ERVFRD-1: variants seen among roughly 807,000 people sequenced by gnomAD.
ERVFRD-1 encodes the protein syncytin-2.
Under a neutral mutation model 43.8 loss-of-function variants are expected in ERVFRD-1, and 33 were observed. The observed-to-expected ratio is 0.75, with a 90% CI of 0.57 to 1.01. The LOEUF (loss-of-function observed/expected upper bound fraction) is 1.01. Among genes scored for constraint, ERVFRD-1 ranks in the 50% least tolerant of loss-of-function variants. The pLI is 0.00. For synonymous variants in ERVFRD-1, 239 were observed against 244.4 expected, an observed-to-expected ratio of 0.98 and a Z score of 0.21; for missense variants, 568 against 658.4, an observed-to-expected ratio of 0.86 and a Z score of 1.50.
chr6:11,111,489 C>T (rs1758166024), intron 1 of ERVFRD-1, among the ~76,000 whole-genome samples, 188 bp downstream of exon 1: 1 of 152,182 alleles, frequency 6.6e-6, no homozygotes, highest in Admixed American at 6.6e-5. Flanking sequence ...CTCCAAGGTC[C>T]TTCCCACCCC....
At position 11,103,575 on chromosome 6, in the gene ERVFRD-1, G is replaced by T; in HGVS notation, c.*119C>A. 1 of 1,407,082 alleles carries T rather than the reference G, an allele frequency of 7.1e-7. No homozygotes were observed. The highest frequency in any genetic ancestry group is 9.3e-7 in the Non-Finnish European group (1 of 1,072,786). 87.2% of individuals were successfully genotyped at this position (1,407,082 alleles called of 1,614,324 possible). Reference sequence around the variant, plus strand: ...TTCTGTGGGTCTTGGCCTCTTGCTAGCTGTCAGGGCAGGATGGCTCTGTGG... The same window carrying T: ...TTCTGTGGGTCTTGGCCTCTTGCTATCTGTCAGGGCAGGATGGCTCTGTGG... On this transcript the variant is annotated 3_prime_UTR_variant, in exon 2 of 2. Transcript: ENST00000472091.
intron 1 of ERVFRD-1, among the ~76,000 whole-genome samples, chr6:11,108,334 C>T (rs1561754115): frequency 6.6e-6 from 1 of 152,198 alleles, no homozygotes; most frequent in South Asian, 2.1e-4. Context: ...GCCCTTGGCT[C>T]TGTCCCTTCA....
chr6:11,106,575 C>A (rs1554118655), intron 1 of ERVFRD-1, among the ~76,000 whole-genome samples: 1 of 152,176 alleles, frequency 6.6e-6, no homozygotes, highest in Non-Finnish European at 1.5e-5. Flanking sequence ...GTTCTCCCAA[C>A]CTATATCATC....
Position 11,105,354 on chromosome 6 carries a change from ACTC to A in ERVFRD-1, c.-47_-45del. ...GGTCACAAAACGAGCTGCCAATGGA[ACTC>A]CTGGTGGTGTACAAGTTAGGGTTAA... On this transcript the variant is annotated 5_prime_UTR_variant, in exon 2 of 2. Transcript: ENST00000472091. 6.9e-7 allele frequency: 1 copy of A among 1,459,004 alleles called. No individual in the cohort carries two copies. The allele number at this position is 1,459,004 out of a possible 1,614,324, so 90.4% of individuals were successfully genotyped here. A position where few individuals can be genotyped will look rare whatever the true frequency, so the allele number is the denominator to read the frequency against.
Position 11,104,936 on chromosome 6 carries a change from A to G in ERVFRD-1, c.375T>C (p.Ile125=), listed in dbSNP as rs138512061. 1.1e-5 allele frequency: 17 copies of G among 1,614,140 alleles called. No individual in the cohort carries two copies. Among genetic ancestry groups the G allele is most frequent in the Admixed American group, 3.3e-5 (2 of 60,012 alleles). The part of the protein sequence containing the change: ...TNINLMGIAP[I]CVMAKRKNGT... Reference sequence around the variant, plus strand: ...CATTTTTCCTTTTGGCCATAACACAAATAGGGGCTATTCCCATTAGGTTGA... The same window carrying G: ...CATTTTTCCTTTTGGCCATAACACAGATAGGGGCTATTCCCATTAGGTTGA... Residue 125 remains isoleucine (I), a synonymous_variant, in exon 2 of 2, where the codon ATT becomes ATC. Coordinates refer to ENST00000472091, the MANE Select transcript of ERVFRD-1 (RefSeq NM_207582.3).
At chr6:11,108,817 G>A (rs1268603697) in intron 1 of ERVFRD-1, among the ~76,000 whole-genome samples, 1 of 152,198 alleles carries the variant, frequency 6.6e-6, no homozygotes, top group Non-Finnish European at 1.5e-5. Flanking sequence ...TTAGGGAAAT[G>A]ATCCTTTATG....
rs369585109 is a variant in ERVFRD-1 at position 11,104,608 on chromosome 6, T to G, written c.703A>C (p.Asn235His). 128 of 1,614,120 alleles carry G rather than the reference T, an allele frequency of 7.9e-5. 1 individual carries two copies. In the East Asian group the frequency reaches 1.3e-3, roughly 17 times the overall value. ...GTTTTATTTTCCCAAAAAAGAGAAT[T>G]TCGAGTTTGGTCCAATAGAACCCAT... The part of the protein sequence containing the change: ...AEWVLLDQTR[N>H]SLFWENKTKG... Residue 235 changes from asparagine (N) to histidine (H), a missense_variant, in exon 2 of 2, where the codon AAT (asparagine) becomes CAT (histidine). Physicochemically the swap from Asn to His is moderately conservative, Grantham distance 68 (BLOSUM62 1). Transcript: ENST00000472091.
chr6:11,109,412 G>A (rs915293480), intron 1 of ERVFRD-1, among the ~76,000 whole-genome samples: 1 of 152,164 alleles, frequency 6.6e-6, no homozygotes, highest in Non-Finnish European at 1.5e-5. Flanking sequence ...CCTGGGTAGG[G>A]AGGAGAAGGC....
chr6:11,103,914 G>T lies in ERVFRD-1; in HGVS notation c.1397C>A (p.Ala466Asp). The T allele has an allele frequency of 1.3e-6, 2 of 1,551,650 alleles. No individual in the cohort carries two copies. Among genetic ancestry groups the T allele is most frequent in the Non-Finnish European group, 1.7e-6 (2 of 1,146,990 alleles). Residue 466 changes from alanine to aspartate, a missense_variant, in exon 2 of 2, where the codon GCC (alanine) becomes GAC (aspartate). Coordinates refer to ENST00000472091, the MANE Select transcript of ERVFRD-1 (RefSeq NM_207582.3). ...LNQASSLRER[A>D]TQGWLNWEGT... ...TTCCCAATTTAACCAACCCTGAGTG[G>T]CTCGTTCCCGTAAACTGGAGGCTTG...
At chr6:11,107,550 C>T (rs1758105017) in intron 1 of ERVFRD-1, among the ~76,000 whole-genome samples, 1 of 152,156 alleles carries the variant, frequency 6.6e-6, no homozygotes, top group Non-Finnish European at 1.5e-5. Flanking sequence ...GCTGTTGACT[C>T]CTTCCTTTTC....
Position 11,104,541 on chromosome 6 carries a change from A to G in ERVFRD-1, c.770T>C (p.Leu257Ser), listed in dbSNP as rs760745944. The G allele has an allele frequency of 2.5e-5, 39 of 1,586,220 alleles. No homozygotes were observed. Among genetic ancestry groups the G allele is most frequent in the Non-Finnish European group, 3.2e-5 (37 of 1,165,392 alleles). ...GCTGGTGGCTATAGTCATGCCTGCT[A>G]AGACTTGGACGCAGGGTGTTTGGCT... ...NQSQTPCVQV[L>S]AGMTIATSYL... is the part of the protein sequence containing the mutation. The change falls in exon 2 of 2, where the codon TTA becomes TCA. Residue 257 changes from leucine (L) to serine (S), a missense_variant. Physicochemically the swap from Leu to Ser is moderately radical, Grantham distance 145 (BLOSUM62 -2). Coordinates refer to ENST00000472091, the MANE Select transcript of ERVFRD-1 (RefSeq NM_207582.3).
At chr6:11,109,924 A>T (rs1758143075) in intron 1 of ERVFRD-1, among the ~76,000 whole-genome samples, 1 of 152,090 alleles carries the variant, frequency 6.6e-6, no homozygotes, top group South Asian at 2.1e-4. Context: ...CTTACAGCAG[A>T]CCAGAGTGGG....
In ERVFRD-1 at chr6:11,104,515, A is replaced by G; in HGVS notation, c.796T>C (p.Tyr266His). 1 of 1,564,654 alleles carries G rather than the reference A, an allele frequency of 6.4e-7. No individual in the cohort carries two copies. Among genetic ancestry groups the G allele is most frequent in the Non-Finnish European group, 8.7e-7 (1 of 1,153,904 alleles). The part of the protein sequence containing the change: ...VLAGMTIATS[Y>H]LGISAVSEFF... ...TCTGAGACTGCTGATATGCCCAGGT[A>G]GCTGGTGGCTATAGTCATGCCTGCT... The change falls in exon 2 of 2, where the codon TAC (tyrosine) becomes CAC (histidine). Residue 266 changes from tyrosine (Y) to histidine (H), a missense_variant. Physicochemically the swap from Tyr to His is moderately conservative, Grantham distance 83. Coordinates refer to ENST00000472091, the MANE Select transcript of ERVFRD-1 (RefSeq NM_207582.3).
Position 11,105,044 on chromosome 6 carries a change from T to G in ERVFRD-1, c.267A>C (p.Ala89=). The G allele has an allele frequency of 6.2e-7, 1 of 1,614,228 alleles. No homozygotes were observed. The highest frequency in any genetic ancestry group is 8.5e-7 in the Non-Finnish European group (1 of 1,180,030). The change falls in exon 2 of 2, where the codon GCA becomes GCC. Residue 89 remains alanine (A), a synonymous_variant. Transcript: ENST00000472091. ...DPNLKGLMRP[A]NSLLSTVKQD... Reference sequence around the variant, plus strand: ...GCTTTACTGTTGAAAGAAGACTATTTGCAGGCCTCATCAGTCCTTTCAGAT... The same window carrying G: ...GCTTTACTGTTGAAAGAAGACTATTGGCAGGCCTCATCAGTCCTTTCAGAT...
At chr6:11,111,527 G>C (rs1023691078) in intron 1 of ERVFRD-1, 150 bp downstream of exon 1, 3 of 152,804 alleles carry the variant, frequency 2.0e-5, no homozygotes, top group African/African-American at 4.8e-5. Flanking sequence ...GGTGAGCAGA[G>C]AGAGCAGCCA....
rs760127879 is a variant in ERVFRD-1 at position 11,104,036 on chromosome 6, T to G, written c.1275A>C (p.Ala425=). The G allele has an allele frequency of 6.4e-7, 1 of 1,551,768 alleles. No individual in the cohort carries two copies. The highest frequency in any genetic ancestry group is 1.2e-5 in the South Asian group (1 of 84,068). ...QNRRGLDMLT[A]AQGGICLALD... is the part of the protein sequence containing the mutation. ...AGGCCAAACAAATTCCTCCCTGTGC[T>G]GCCGTTAACATGTCTAGTCCTCGAC... The change falls in exon 2 of 2, where the codon GCA becomes GCC. Residue 425 remains alanine (A), a synonymous_variant. Transcript: ENST00000472091.
Position 11,109,528 on chromosome 6 carries a change from A to T in ERVFRD-1, c.-321+2149T>A, listed in dbSNP as rs141581791. On this transcript the variant is annotated intron_variant, in intron 1 of 1. Transcript: ENST00000472091. ...ACCAATGGGAAGGGGCTGCATGACT[A>T]TGGCCATGGATCTGTTTTACAAGCC... 4.6e-5 allele frequency among the ~76,000 whole-genome samples: 7 copies of T among 152,226 alleles called. No individual in the cohort carries two copies. In the East Asian group the frequency reaches 1.4e-3, roughly 29 times the overall value.
At position 11,104,510 on chromosome 6, in the gene ERVFRD-1, C is replaced by T; in HGVS notation, c.801G>A (p.Leu267=). 1.9e-6 allele frequency: 3 copies of T among 1,561,790 alleles called. No homozygotes were observed. Among genetic ancestry groups the T allele is most frequent in the African/African-American group, 1.4e-5 (1 of 73,552 alleles). The change falls in exon 2 of 2, where the codon CTG becomes CTA. Residue 267 remains leucine, a synonymous_variant. Coordinates refer to ENST00000472091, the MANE Select transcript of ERVFRD-1 (RefSeq NM_207582.3). ...AAAATTCTGAGACTGCTGATATGCC[C>T]AGGTAGCTGGTGGCTATAGTCATGC... ...LAGMTIATSY[L]GISAVSEFFG...
At chr6:11,110,558 G>A (rs2113650208) in intron 1 of ERVFRD-1, among the ~76,000 whole-genome samples, 1 of 152,290 alleles carries the variant, frequency 6.6e-6, no homozygotes, top group South Asian at 2.1e-4. Context: ...ATTGAGAAGG[G>A]CCTGGAGGTG....
Sources: allele counts gnomAD v4.1 joint callset (sites outside exome capture counted in the v4.1 genomes callset), GRCh38; gene constraint gnomAD v4.1.1; transcripts MANE v1.5; gene names NCBI Gene and HGNC (gene_info 2026-07-23, HGNC 2026-07-21).